The following LARP1B variants were observed in gnomAD, a reference collection of about 807,000 sequenced individuals.
LARP1B encodes la-related protein 1B.
Under a neutral mutation model 114.2 loss-of-function variants are expected in LARP1B, and 76 were observed. The observed-to-expected ratio is 0.67, with a 90% confidence interval of 0.55 to 0.81. The LOEUF (loss-of-function observed/expected upper bound fraction) is 0.81. LARP1B is among the 30% of genes least tolerant of loss of function. LARP1B has a pLI of 0.00. For synonymous variants in LARP1B, 345 were observed against 348.0 expected (o/e 0.99, Z 0.10); for missense variants, 1,014 against 1,075.8 (o/e 0.94, Z 0.80).
intron 15 of LARP1B, among the ~76,000 whole-genome samples, chr4:128,189,324 C>CTTTTTTTTTT (rs70966089): frequency 1.5e-4 from 1 of 6,822 alleles, no homozygotes; most frequent in African/African-American, 4.2e-4. Flanking sequence ...AGTATGGCTA[C>CTTTTTTTTTT]TTTTTTTTTT....
At chr4:128,062,592 C>CTCTT (rs71587358) in intron 1 of LARP1B, among the ~76,000 whole-genome samples, 7 of 128,278 alleles carry the variant, frequency 5.5e-5, no homozygotes, top group African/African-American at 2.0e-4. Flanking sequence ...TTTTGGTAGA[C>CTCTT]TTTTTTTTTT....
At chr4:128,221,086 G>T (rs574543869) in intron 7 of LARP1B, among the ~76,000 whole-genome samples, 17 of 151,748 alleles carry the variant, frequency 1.1e-4, no homozygotes, top group East Asian at 5.8e-4. Context: ...ATTTTTTTTT[G>T]ATGATAGGCA....
intron 11 of LARP1B, among the ~76,000 whole-genome samples, chr4:128,144,547 C>A (rs915021823): frequency 6.6e-6 from 1 of 151,816 alleles, no homozygotes; most frequent in Non-Finnish European, 1.5e-5. Flanking sequence ...ATTACCCAGA[C>A]TTTTTGTGAA....
chr4:128,175,003 C>T (rs757185372), intron 12 of LARP1B, among the ~76,000 whole-genome samples: 2 of 151,994 alleles, frequency 1.3e-5, no homozygotes, highest in African/African-American at 4.8e-5. Context: ...CTGATAACAC[C>T]GTTAAGTTAA....
chr4:128,107,406 T>C, intron 9 of LARP1B, 93 bp downstream of exon 9: 1 of 1,532,920 alleles, frequency 6.5e-7, no homozygotes, highest in Non-Finnish European at 8.8e-7. Context: ...TATTTAGATT[T>C]GATAGGAAAA....
At chr4:128,123,523 C>G (rs1284262433) in intron 11 of LARP1B, 1 of 460,606 alleles carries the variant, frequency 2.2e-6, no homozygotes, top group Non-Finnish European at 2.9e-6. Context: ...ATCTATAATT[C>G]TATATATTTT....
rs1004640137 is a variant in LARP1B, at chr4:128,090,366, C to T, written c.359-635C>T. 5.9e-5 allele frequency among the ~76,000 whole-genome samples: 9 copies of T among 152,326 alleles called. No individual in the cohort carries two copies. The East Asian group carries it at 1.5e-3, about 26-fold the overall frequency. ...GGGATTGCCGGCCTGAGCCACCGCG[C>T]CCGGCCTTGTATGATTATTGACCCA... On this transcript the variant is annotated intron_variant, in intron 5 of 19. Transcript: ENST00000326639.
intron 11 of LARP1B, among the ~76,000 whole-genome samples, chr4:128,128,870 TGAAA>T (rs762658332): frequency 1.3e-5 from 2 of 151,820 alleles, no homozygotes; most frequent in Admixed American, 1.3e-4. Flanking sequence ...AAAACCCTGA[TGAAA>T]GAAAAAGGGG....
chr4:128,153,042 G>A (rs1333533716), intron 11 of LARP1B, among the ~76,000 whole-genome samples: 1 of 135,296 alleles, frequency 7.4e-6, no homozygotes, highest in Non-Finnish European at 1.5e-5. Flanking sequence ...GAGTGCAATG[G>A]TGTAACCTTG....
chr4:128,158,013 G>T (rs1736610893), intron 11 of LARP1B, among the ~76,000 whole-genome samples: 1 of 152,092 alleles, frequency 6.6e-6, no homozygotes, highest in African/African-American at 2.4e-5. Flanking sequence ...CAACGCTGGT[G>T]TAACTCTATT....
intron 8 of LARP1B, among the ~76,000 whole-genome samples, chr4:128,105,976 G>T (rs1393759765): frequency 6.6e-6 from 1 of 151,652 alleles, no homozygotes; most frequent in Non-Finnish European, 1.5e-5. Flanking sequence ...CTAATATTAA[G>T]AGCAAGAGTA....
At chr4:128,155,374 C>A (rs1735011554) in intron 11 of LARP1B, 2 of 577,736 alleles carry the variant, frequency 3.5e-6, no homozygotes, top group Admixed American at 5.9e-5. Flanking sequence ...CCACGCGGAG[C>A]CGCCAGCCCG....
intron 7 of LARP1B, among the ~76,000 whole-genome samples, chr4:128,093,867 C>T (rs950902706): frequency 2.6e-5 from 4 of 151,706 alleles, no homozygotes; most frequent in Non-Finnish European, 4.4e-5. Flanking sequence ...TATGCCACCA[C>T]GCCCAGCTAA....
intron 10 of LARP1B, among the ~76,000 whole-genome samples, chr4:128,120,933 C>T: frequency 6.6e-6 from 1 of 151,314 alleles, no homozygotes; most frequent in East Asian, 2.0e-4. Context: ...GCCTCAGCCT[C>T]CCGAGTAGCT....
downstream of LARP1B, among the ~76,000 whole-genome samples, chr4:128,216,548 G>A (rs966312158): frequency 6.7e-6 from 1 of 149,146 alleles, no homozygotes; most frequent in African/African-American, 2.5e-5. Flanking sequence ...ATGACTACTG[G>A]GTACATAACG....
At chr4:128,182,047 C>G (rs990350592) in intron 15 of LARP1B, among the ~76,000 whole-genome samples, 6 of 149,808 alleles carry the variant, frequency 4.0e-5, no homozygotes, top group Non-Finnish European at 7.4e-5. Flanking sequence ...CTCCTGATCT[C>G]GTGATCTGCC....
intron 1 of LARP1B, among the ~76,000 whole-genome samples, chr4:128,068,618 C>G (rs534772408): frequency 6.6e-5 from 10 of 151,918 alleles, no homozygotes; most frequent in Non-Finnish European, 1.5e-4. Flanking sequence ...CTATATTGCC[C>G]AGGCCCAGTC....
In LARP1B at chr4:128,143,024, C is replaced by T. The variant is rs568140323; in HGVS notation, c.1525-19170C>T. Among the ~76,000 whole-genome samples, 26 of 151,996 alleles carry T rather than the reference C, an allele frequency of 1.7e-4. 1 individual carries two copies. In the South Asian group the frequency reaches 2.9e-3, roughly 17 times the overall value. The stretch of plus-strand genomic sequence containing the variant: ...TTTAGAGGCCAGGCACGGTGGCTCA[C>T]GCCTGTAATCCCAGCACTTTGGGAG... On this transcript the variant is annotated intron_variant, in intron 11 of 19. Transcript: ENST00000326639.
downstream of LARP1B, chr4:128,212,002 A>G (rs998761682): frequency 1.3e-5 from 2 of 155,166 alleles, no homozygotes; most frequent in East Asian, 1.9e-4. Flanking sequence ...GTGTCAGGCT[A>G]TATATAGTGT....
Sources: gnomAD v4.1 joint callset for allele counts (sites outside exome capture counted in the v4.1 genomes callset) on GRCh38, gnomAD v4.1.1 for gene constraint, MANE v1.5 for transcripts, NCBI Gene and HGNC (gene_info 2026-07-23, HGNC 2026-07-21) for gene names.